Variants in NTRK3 observed in about 807,000 individuals in gnomAD.
The protein encoded by NTRK3 is NT-3 growth factor receptor.
In NTRK3, 24 loss-of-function variants were observed where a neutral mutation model predicts 91.7. The ratio of observed to expected loss-of-function variants is 0.26; its 90% CI spans 0.19 to 0.37. The LOEUF is 0.37. Among genes scored for constraint, NTRK3 ranks in the 10% least tolerant of loss-of-function variants. The probability of loss-of-function intolerance (pLI) is 1.00; values close to 1 mark genes in which losing one functional copy is unlikely to be tolerated. For missense variants in NTRK3, 880 were observed against 1,068.9 expected, an observed-to-expected ratio of 0.82 and a Z score of 2.46; for synonymous variants, 483 against 404.0, an observed-to-expected ratio of 1.20 and a Z score of -2.34.
intron 14 of NTRK3, among the ~76,000 whole-genome samples, chr15:87,954,305 T>G (rs2071456281): frequency 6.6e-6 from 1 of 152,176 alleles, no homozygotes; most frequent in Non-Finnish European, 1.5e-5. Flanking sequence ...ACTAGCCCTT[T>G]CCCTCTATGT....
At chr15:87,950,837 G>C (rs146159700) in intron 14 of NTRK3, among the ~76,000 whole-genome samples, 3 of 152,054 alleles carry the variant, frequency 2.0e-5, no homozygotes, top group African/African-American at 7.2e-5. Context: ...TTATTGTTAC[G>C]GTTATTATTA....
rs149279639 is a variant in NTRK3, at chr15:88,033,176, TTATATATA to T, written c.1397-139_1397-132del. ...CTTTTTTTTACTTTTGGGGGGTGTG[TTATATATA>T]TATATATATATATATATATATATAT... On this transcript the variant is annotated intron_variant, in intron 13 of 18. Coordinates refer to ENST00000394480, the Ensembl canonical transcript of NTRK3. 2.0e-3 allele frequency: 398 copies of T among 196,020 alleles called. 13 individuals are homozygous for T. Among genetic ancestry groups the T allele is most frequent in the African/African-American group, 0.015 (243 of 16,296 alleles). The allele number at this position is 196,020 out of a possible 1,614,324, so 12.1% of individuals were successfully genotyped here.
At chr15:87,872,705 C>T (rs940402581) in exon 19 of NTRK3, 1 of 232,742 alleles carries the variant, frequency 4.3e-6, no homozygotes, top group Non-Finnish European at 8.5e-6. Flanking sequence ...CTCAAATCTA[C>T]CAGTCACCAG....
chr15:87,935,506 G>A (rs1372927930), intron 15 of NTRK3, among the ~76,000 whole-genome samples: 1 of 152,188 alleles, frequency 6.6e-6, no homozygotes, highest in East Asian at 1.9e-4. Flanking sequence ...CAGCAGCCTT[G>A]AGCTGTATGG....
rs533223670 is a variant in NTRK3 at position 87,993,989 on chromosome 15, G to C, written c.1585+38868C>G. On this transcript the variant is annotated intron_variant, in intron 14 of 18. Coordinates refer to ENST00000394480, the Ensembl canonical transcript of NTRK3. ...AGCTGAGAAAGTAAAAAGGAAAAGAGAGCATGGGAAGTTTAGTCATGGGGT... is the reference window on the plus strand; with the variant it reads ...AGCTGAGAAAGTAAAAAGGAAAAGACAGCATGGGAAGTTTAGTCATGGGGT... 3.3e-5 allele frequency among the ~76,000 whole-genome samples: 5 copies of C among 152,292 alleles called. No individual in the cohort carries two copies. In the South Asian group the frequency reaches 1.0e-3, roughly 32 times the overall value.
intron 6 of NTRK3, among the ~76,000 whole-genome samples, chr15:88,142,469 A>G (rs2042478229): frequency 6.6e-6 from 1 of 152,216 alleles, no homozygotes; most frequent in South Asian, 2.1e-4. Flanking sequence ...CAAGGCCACC[A>G]CTGGATATTT....
chr15:87,944,730 G>A (rs979661317), intron 14 of NTRK3, among the ~76,000 whole-genome samples: 4 of 152,204 alleles, frequency 2.6e-5, no homozygotes, highest in African/African-American at 9.7e-5. Context: ...ATCTTCCCAA[G>A]GGCGAGGGCA....
At chr15:87,875,192 G>A (rs1349941726) in exon 19 of NTRK3, 2 of 230,964 alleles carry the variant, frequency 8.7e-6, no homozygotes, top group African/African-American at 4.4e-5. Flanking sequence ...TAGGCCAGAG[G>A]CCCCCGGGAG....
chr15:87,901,927 T>C (rs112720135), intron 17 of NTRK3, among the ~76,000 whole-genome samples: 1,545 of 152,298 alleles, frequency 0.01, 20 homozygotes, highest in African/African-American at 0.03. Flanking sequence ...AAAGTTCTTA[T>C]ACATTCTAAA....
chr15:87,972,109 T>A (rs1223263763), intron 14 of NTRK3, among the ~76,000 whole-genome samples: 1 of 152,180 alleles, frequency 6.6e-6, no homozygotes, highest in Non-Finnish European at 1.5e-5. Context: ...CACTGCAGAA[T>A]GAACTTGAGG....
chr15:88,214,212 C>G (rs1433511037), intron 3 of NTRK3, among the ~76,000 whole-genome samples: 1 of 152,188 alleles, frequency 6.6e-6, no homozygotes, highest in Non-Finnish European at 1.5e-5. Flanking sequence ...AATTGTCTCA[C>G]AGTCCTGGAG....
intron 3 of NTRK3, 69 bp from the exon 4 acceptor site, chr15:88,184,368 G>C: frequency 6.8e-7 from 1 of 1,461,252 alleles, no homozygotes; most frequent in Non-Finnish European, 9.5e-7. Flanking sequence ...TGGAGCCACA[G>C]AGACCTGGCT....
chr15:87,886,733 C>A (rs2065576428), intron 17 of NTRK3, among the ~76,000 whole-genome samples: 1 of 138,488 alleles, frequency 7.2e-6, no homozygotes, highest in South Asian at 2.2e-4. Context: ...CACACACACA[C>A]ATAAACACAC....
At chr15:87,990,239 G>C (rs1332867995) in intron 14 of NTRK3, among the ~76,000 whole-genome samples, 1 of 152,082 alleles carries the variant, frequency 6.6e-6, no homozygotes, top group Non-Finnish European at 1.5e-5. Flanking sequence ...AACCCAGATA[G>C]GGGTCAGCCA....
At chr15:87,884,276 AAAAAT>A (rs1402987081) in intron 17 of NTRK3, among the ~76,000 whole-genome samples, 4 of 151,620 alleles carry the variant, frequency 2.6e-5, no homozygotes, top group Non-Finnish European at 5.9e-5. Context: ...TTGGTTTACT[AAAAAT>A]ATTAATTTTT....
chr15:87,942,894 C>A (rs2070034572), intron 14 of NTRK3, among the ~76,000 whole-genome samples: 1 of 152,108 alleles, frequency 6.6e-6, no homozygotes, highest in African/African-American at 2.4e-5. Flanking sequence ...GAAATGAGGG[C>A]CAAATCAGGC....
intron 5 of NTRK3, among the ~76,000 whole-genome samples, chr15:88,154,062 C>T (rs2043653536): frequency 2.5e-5 from 3 of 120,844 alleles, no homozygotes; most frequent in Non-Finnish European, 4.9e-5. Flanking sequence ...TAAGAATCTG[C>T]AAGAAAAGAG....
At chr15:88,092,344 T>C (rs1347505986) in intron 13 of NTRK3, among the ~76,000 whole-genome samples, 2 of 152,212 alleles carry the variant, frequency 1.3e-5, no homozygotes, top group African/African-American at 4.8e-5. Context: ...CAGGCCCTAT[T>C]ATCAGACCTG....
At chr15:88,213,611 C>T (rs907140290) in intron 3 of NTRK3, among the ~76,000 whole-genome samples, 4 of 152,010 alleles carry the variant, frequency 2.6e-5, no homozygotes, top group Non-Finnish European at 5.9e-5. Flanking sequence ...ATCACAAACA[C>T]GCAGTGTTTT....
Sources: gnomAD v4.1 joint callset for allele counts (sites outside exome capture counted in the v4.1 genomes callset) on GRCh38, gnomAD v4.1.1 for gene constraint, MANE v1.5 for transcripts, NCBI Gene and HGNC (gene_info 2026-07-23, HGNC 2026-07-21) for gene names.